The following C6 variants were observed in gnomAD, a reference collection of about 807,000 sequenced individuals.
The protein encoded by C6 is complement component C6.
C6 carries 101 observed loss-of-function variants against 112.9 expected under a neutral mutation model. The observed-to-expected ratio is 0.89, with a 90% CI of 0.76 to 1.06. The LOEUF (loss-of-function observed/expected upper bound fraction) is 1.06. Among genes scored for constraint, C6 ranks in the 50% least tolerant of loss-of-function variants. The pLI is 0.00. For synonymous variants in C6, 431 were observed against 384.1 expected (o/e 1.12, Z -1.43); for missense variants, 1,202 against 1,104.6 (o/e 1.09, Z -1.25).
chr5:41,171,412 C>A (rs1178892111), intron 9 of C6, among the ~76,000 whole-genome samples: 2 of 152,132 alleles, frequency 1.3e-5, no homozygotes, highest in African/African-American at 4.8e-5. Context: ...TCACAACAGT[C>A]CTACTGGGCT....
intron 1 of C6, among the ~76,000 whole-genome samples, chr5:41,241,284 C>T (rs939114692): frequency 2.6e-5 from 4 of 152,156 alleles, no homozygotes; most frequent in African/African-American, 9.7e-5. Flanking sequence ...TGCTACAGCT[C>T]TCTGGCAGTG....
intron 4 of C6, among the ~76,000 whole-genome samples, chr5:41,199,520 A>G (rs1580172795): frequency 6.6e-6 from 1 of 152,116 alleles, no homozygotes; most frequent in Non-Finnish European, 1.5e-5. Flanking sequence ...AAAATATGTC[A>G]TTTCTTTTAA....
chr5:41,228,798 T>TGCAA lies in C6; in HGVS notation c.-20-25549_-20-25548insTTGC, dbSNP rs563632480. Among the ~76,000 whole-genome samples the TGCAA allele has an allele frequency of 1.3e-4, 20 of 152,302 alleles. 1 individual carries two copies. The East Asian group carries it at 3.9e-3, about 29-fold the overall frequency. ...TATGGTAAATCATCCTTGCATCCCATGGATAATTCCCACTTGATCATGGTG... is the reference window on the plus strand; with the variant it reads ...TATGGTAAATCATCCTTGCATCCCATGCAAGGATAATTCCCACTTGATCATGGTG... On this transcript the variant is annotated intron_variant, in intron 1 of 17. Coordinates refer to the C6 transcript ENST00000263413.
chr5:41,172,778 A>G, intron 8 of C6: 2 of 195,044 alleles, frequency 1.0e-5, no homozygotes, highest in Non-Finnish European at 2.2e-5. Context: ...CTCTACTCCA[A>G]GACCTACTTT....
chr5:41,153,895 G>A lies in C6; in HGVS notation c.2205C>T (p.Gly735=). ...ACCTTGATGGCCCAGCAACAACAAAGCCTTTGGGGCAAGTTAGCTCAATGG... is the reference window on the plus strand; with the variant it reads ...ACCTTGATGGCCCAGCAACAACAAAACCTTTGGGGCAAGTTAGCTCAATGG... The part of the protein sequence containing the change: ...GESIELTCPK[G]FVVAGPSRYT... The change falls in exon 15 of 18, where the codon GGC becomes GGT. Residue 735 remains glycine, a synonymous_variant. Coordinates refer to ENST00000337836, the MANE Select transcript of C6 (RefSeq NM_000065.5). 1 of 1,613,634 alleles carries A rather than the reference G, an allele frequency of 6.2e-7. No homozygotes were observed. Among genetic ancestry groups the A allele is most frequent in the Non-Finnish European group, 8.5e-7 (1 of 1,179,686 alleles).
chr5:41,194,075 G>A (rs896805706), intron 5 of C6, among the ~76,000 whole-genome samples: 4 of 152,096 alleles, frequency 2.6e-5, no homozygotes, highest in African/African-American at 9.7e-5. Context: ...CTAGAGTCTA[G>A]ATCAACTGAA....
At chr5:41,149,060 T>C (rs1283190672) in intron 17 of C6, among the ~76,000 whole-genome samples, 181 bp downstream of exon 17, 2 of 152,218 alleles carry the variant, frequency 1.3e-5, no homozygotes, top group Non-Finnish European at 2.9e-5. Flanking sequence ...ATTACTACAG[T>C]AGTTATTTCT....
At chr5:41,260,829 T>C (rs775782001) in intron 1 of C6, among the ~76,000 whole-genome samples, 2 of 151,306 alleles carry the variant, frequency 1.3e-5, no homozygotes, top group Admixed American at 6.6e-5. Flanking sequence ...ACTTCTCTAG[T>C]CTTAAACACA....
intron 15 of C6, among the ~76,000 whole-genome samples, chr5:41,152,515 C>T (rs952774705): frequency 2.0e-5 from 3 of 152,164 alleles, no homozygotes; most frequent in African/African-American, 4.8e-5. Flanking sequence ...CTCACTCTTC[C>T]TCCTCTTAGC....
intron 7 of C6, among the ~76,000 whole-genome samples, chr5:41,177,657 C>T (rs1748967698): frequency 6.6e-6 from 1 of 152,012 alleles, no homozygotes; most frequent in Admixed American, 6.6e-5. Flanking sequence ...TGACTGCTGA[C>T]ACAAAAGAAA....
intron 17 of C6, among the ~76,000 whole-genome samples, chr5:41,147,668 T>A (rs370805647): frequency 2.6e-5 from 4 of 152,236 alleles, no homozygotes; most frequent in African/African-American, 9.6e-5. Context: ...TTGCATACTT[T>A]ATGCTCCAAT....
At position 41,153,953 on chromosome 5, in the gene C6, G is replaced by A. The variant is rs1312349514; in HGVS notation, c.2147C>T (p.Thr716Ile). The change falls in exon 15 of 18, where the codon ACA becomes ATA. Residue 716 changes from threonine (T) to isoleucine (I), a missense_variant. By Grantham distance (89) the Thr-to-Ile change is moderately conservative. Coordinates refer to ENST00000337836, the MANE Select transcript of C6 (RefSeq NM_000065.5). The stretch of plus-strand genomic sequence containing the variant: ...AATTCTATACAATCTCTGAAATGGT[G>A]TAATTGTCAGGACTTCCTGCACAAC... The part of the protein sequence containing the change: ...KPVVQEVLTI[T>I]PFQRLYRIGE... 2 of 1,613,812 alleles carry A rather than the reference G, an allele frequency of 1.2e-6. No individual in the cohort carries two copies. The highest frequency in any genetic ancestry group is 1.7e-6 in the Non-Finnish European group (2 of 1,179,780).
intron 9 of C6, among the ~76,000 whole-genome samples, chr5:41,171,274 T>C (rs1296605698): frequency 6.6e-6 from 1 of 152,136 alleles, no homozygotes; most frequent in Non-Finnish European, 1.5e-5. Context: ...GGTTTCTGGT[T>C]TGGCTGATTT....
upstream of C6, chr5:41,213,544 G>A: frequency 1.0e-6 from 1 of 985,352 alleles, no homozygotes; most frequent in Non-Finnish European, 1.2e-6. Flanking sequence ...GCAACACCTA[G>A]AGGGTTGTCA....
chr5:41,261,414 A>G (rs1742041656), exon 1 of C6: 1 of 158,236 alleles, frequency 6.3e-6, no homozygotes, highest in South Asian at 2.0e-4. Flanking sequence ...GACATACAAA[A>G]TTAAGAGAGA....
At chr5:41,226,177 G>A (rs1739485080) in intron 1 of C6, among the ~76,000 whole-genome samples, 1 of 152,100 alleles carries the variant, frequency 6.6e-6, no homozygotes, top group African/African-American at 2.4e-5. Flanking sequence ...CCTACAGAAT[G>A]GGAGGAAATT....
chr5:41,170,371 A>T (rs1398370551), intron 9 of C6, among the ~76,000 whole-genome samples: 1 of 151,776 alleles, frequency 6.6e-6, no homozygotes, highest in African/African-American at 2.4e-5. Context: ...ATGTTTCTCA[A>T]TGTTTGTTTT....
rs995819966 is a variant in C6, at chr5:41,191,018, A to G, written c.587+4774T>C. 2.7e-5 allele frequency among the ~76,000 whole-genome samples: 4 copies of G among 149,200 alleles called. 1 individual carries two copies. Among genetic ancestry groups the G allele is most frequent in the African/African-American group, 9.9e-5 (4 of 40,580 alleles). On this transcript the variant is annotated intron_variant, in intron 5 of 17. Coordinates refer to ENST00000337836, the MANE Select transcript of C6 (RefSeq NM_000065.5). The stretch of plus-strand genomic sequence containing the variant: ...GGGTTACCATAGCTTTGTAACATGT[A>G]ACACATGTAACATGTATATTTTGAA...
At chr5:41,183,498 T>C (rs1347991011) in intron 6 of C6, among the ~76,000 whole-genome samples, 1 of 152,178 alleles carries the variant, frequency 6.6e-6, no homozygotes, top group Non-Finnish European at 1.5e-5. Context: ...TTGGCAAGGC[T>C]GTGGAGAAAA....
Sources: allele counts gnomAD v4.1 joint callset (sites outside exome capture counted in the v4.1 genomes callset), GRCh38; gene constraint gnomAD v4.1.1; transcripts MANE v1.5; gene names NCBI Gene and HGNC (gene_info 2026-07-23, HGNC 2026-07-21).